Variants in RBFOX2 observed in about 807,000 individuals in gnomAD.
The protein encoded by RBFOX2 is RNA binding fox-1 homolog 2.
In RBFOX2, 10 loss-of-function variants were observed where a neutral mutation model predicts 49.1. The observed-to-expected ratio is 0.20, with a 90% CI of 0.13 to 0.35. The LOEUF is 0.35. RBFOX2 is among the 10% of genes least tolerant of loss of function. The pLI is 1.00. For missense variants in RBFOX2, 323 were observed against 486.9 expected (o/e 0.66, Z 3.17); for synonymous variants, 183 against 187.4 (o/e 0.98, Z 0.19).
intron 2 of RBFOX2, among the ~76,000 whole-genome samples, chr22:35,782,371 G>A (rs930785110): frequency 2.0e-5 from 3 of 152,070 alleles, no homozygotes; most frequent in Admixed American, 1.3e-4. Flanking sequence ...GCCCAGGCTC[G>A]AGTGCAGTGG....
At chr22:35,783,570 C>T (rs2147204721) in intron 2 of RBFOX2, among the ~76,000 whole-genome samples, 1 of 152,118 alleles carries the variant, frequency 6.6e-6, no homozygotes, top group East Asian at 1.9e-4. Flanking sequence ...GAGGGGGTGA[C>T]CACTAGAATG....
At chr22:35,852,083 T>A (rs1274430508) in intron 1 of RBFOX2, among the ~76,000 whole-genome samples, 1 of 152,090 alleles carries the variant, frequency 6.6e-6, no homozygotes, top group African/African-American at 2.4e-5. Context: ...CAATACTGTA[T>A]AATAACAAAA....
intron 1 of RBFOX2, among the ~76,000 whole-genome samples, chr22:36,005,857 G>C (rs760945084): frequency 1.2e-4 from 19 of 152,300 alleles, no homozygotes; most frequent in Middle Eastern, 6.8e-3. Flanking sequence ...GCTTAGACAA[G>C]TATCTTAAAA....
chr22:35,846,330 TTG>T (rs35272106), intron 1 of RBFOX2, among the ~76,000 whole-genome samples: 107,893 of 140,268 alleles, frequency 0.77, 41,700 homozygotes, highest in Admixed American at 0.83. Flanking sequence ...ATTTATATAG[TTG>T]TGTGTGTGTG....
rs367890132 is a variant in RBFOX2, at chr22:35,761,428, C to T, written c.648G>A (p.Pro216=). Residue 216 remains proline, a synonymous_variant, in exon 7 of 12, where the codon CCG becomes CCA. Coordinates refer to ENST00000405409, the Ensembl canonical transcript of RBFOX2. ...CTTAAATACTACCTGCATATAACTC[C>T]GGACCATATACAGCTCCAACTACTG... 24 of 1,613,960 alleles carry T rather than the reference C, an allele frequency of 1.5e-5. No homozygotes were observed. In the Admixed American group the frequency reaches 2.0e-4, roughly 13 times the overall value.
At chr22:35,787,289 C>T (rs1262089172) in intron 2 of RBFOX2, among the ~76,000 whole-genome samples, 1 of 152,112 alleles carries the variant, frequency 6.6e-6, no homozygotes, top group African/African-American at 2.4e-5. Context: ...CTGCCTGCCT[C>T]AGCCTCCCAA....
intron 9 of RBFOX2, chr22:35,748,558 A>G (rs778279562): frequency 5.3e-5 from 8 of 152,152 alleles, no homozygotes; most frequent in Non-Finnish European, 7.3e-5. Flanking sequence ...GAACCCTAGT[A>G]ATTTTTCATT....
chr22:35,760,326 A>C (rs1386136063), intron 8 of RBFOX2, among the ~76,000 whole-genome samples: 1 of 152,188 alleles, frequency 6.6e-6, no homozygotes, highest in Non-Finnish European at 1.5e-5. Flanking sequence ...ACAGGTCAAG[A>C]AGCTCTGAGA....
intron 1 of RBFOX2, among the ~76,000 whole-genome samples, chr22:35,972,034 A>G (rs1250010756): frequency 1.3e-5 from 2 of 151,494 alleles, no homozygotes; most frequent in Non-Finnish European, 2.9e-5. Flanking sequence ...CCTTCGGAAC[A>G]TATTTCTCCC....
Position 35,759,745 on chromosome 22 carries a change from C to T in RBFOX2, c.887+143G>A. ...GATGGTATATTTTGTTTTTTGTCAT[C>T]TAATCTGTTAATTTGCAAATATTCA... On this transcript the variant is annotated intron_variant, in intron 9 of 11. Transcript: ENST00000405409. The surrounding 1 kb of genome is among the most constrained non-coding windows in gnomAD (Gnocchi z 4.6). 3 of 1,130,264 alleles carry T rather than the reference C, an allele frequency of 2.7e-6. No homozygotes were observed. The highest frequency in any genetic ancestry group is 3.2e-5 in the South Asian group (2 of 63,200). 70.0% of individuals were successfully genotyped at this position (1,130,264 alleles called of 1,614,324 possible).
chr22:35,976,461 T>C (rs1222935567), intron 1 of RBFOX2, among the ~76,000 whole-genome samples: 1 of 152,004 alleles, frequency 6.6e-6, no homozygotes, highest in African/African-American at 2.4e-5. Flanking sequence ...TCTAGATCCA[T>C]CCTTTCACAA....
chr22:36,019,231 C>T (rs2059156718), intron 1 of RBFOX2, among the ~76,000 whole-genome samples: 1 of 152,138 alleles, frequency 6.6e-6, no homozygotes, highest in Non-Finnish European at 1.5e-5. Flanking sequence ...TGCAGCAGTC[C>T]TTTCACTCCT....
chr22:35,941,190 A>C (rs2053651677), upstream of RBFOX2, among the ~76,000 whole-genome samples: 1 of 152,152 alleles, frequency 6.6e-6, no homozygotes, highest in South Asian at 2.1e-4. Context: ...TTAGATTTTA[A>C]CAAAAGAACA....
intron 1 of RBFOX2, among the ~76,000 whole-genome samples, chr22:35,938,229 T>G (rs570864179): frequency 6.6e-6 from 1 of 152,176 alleles, no homozygotes; most frequent in Admixed American, 6.5e-5. Context: ...GGCTCAAGTA[T>G]TCAAACAACA....
chr22:35,937,170 A>C (rs926731453), intron 1 of RBFOX2, among the ~76,000 whole-genome samples: 8 of 152,228 alleles, frequency 5.3e-5, no homozygotes, highest in African/African-American at 1.9e-4. Flanking sequence ...ACACTTACCC[A>C]ATCAGAAACT....
chr22:35,796,948 C>T (rs1238885563), intron 2 of RBFOX2, among the ~76,000 whole-genome samples: 3 of 152,142 alleles, frequency 2.0e-5, no homozygotes, highest in African/African-American at 4.8e-5. Context: ...AGTTTCTTCC[C>T]TTGAAGTGGC....
chr22:35,916,277 T>C (rs2050393209), intron 1 of RBFOX2, among the ~76,000 whole-genome samples: 1 of 152,152 alleles, frequency 6.6e-6, no homozygotes, highest in African/African-American at 2.4e-5. Context: ...AGAATGGGTG[T>C]TTGCATGTTT....
At chr22:35,931,940 G>A (rs1446963907) in intron 1 of RBFOX2, among the ~76,000 whole-genome samples, 1 of 152,170 alleles carries the variant, frequency 6.6e-6, no homozygotes, top group Non-Finnish European at 1.5e-5. Flanking sequence ...TTTTGAAGGG[G>A]ACAGAAAATA....
intron 1 of RBFOX2, among the ~76,000 whole-genome samples, chr22:35,863,870 G>A (rs956340962): frequency 1.3e-5 from 2 of 152,136 alleles, no homozygotes; most frequent in Non-Finnish European, 2.9e-5. Context: ...CCCCCAAAGC[G>A]GATTAGAAAT....
Sources: gnomAD v4.1 joint callset for allele counts (sites outside exome capture counted in the v4.1 genomes callset) on GRCh38, gnomAD v4.1.1 for gene constraint, Gnocchi (gnomAD v3.1) non-coding constraint, MANE v1.5 for transcripts, NCBI Gene and HGNC (gene_info 2026-07-23, HGNC 2026-07-21) for gene names.